Variants in TMEM181 observed in about 807,000 individuals in gnomAD.
The protein encoded by TMEM181 is G protein-coupled receptor 178.
TMEM181 carries 39 observed loss-of-function variants against 71.9 expected under a neutral mutation model. The ratio of observed to expected loss-of-function variants is 0.54; its 90% confidence interval spans 0.42 to 0.71. TMEM181 has a LOEUF of 0.71. Ranked by LOEUF, TMEM181 falls within the 30% of genes least tolerant of loss-of-function variation. The pLI is 0.00. For missense variants in TMEM181, 595 were observed against 583.0 expected, an observed-to-expected ratio of 1.02 and a Z score of -0.21; for synonymous variants, 245 against 228.8, an observed-to-expected ratio of 1.07 and a Z score of -0.64.
intron 13 of TMEM181, among the ~76,000 whole-genome samples, chr6:158,627,855 G>A (rs1021756330): frequency 6.6e-6 from 1 of 152,164 alleles, no homozygotes; most frequent in Non-Finnish European, 1.5e-5. Flanking sequence ...GAAGGCAGGT[G>A]GGGGAGGAGC....
intron 10 of TMEM181, 99 bp downstream of exon 10, chr6:158,608,849 G>T (rs1583027216): frequency 8.8e-7 from 1 of 1,130,386 alleles, no homozygotes; most frequent in East Asian, 2.4e-5. Flanking sequence ...TGTAATCCCA[G>T]CACTTTGACA....
intron 15 of TMEM181, 71 bp from the exon 16 acceptor site, chr6:158,631,252 G>A (rs1786648776): frequency 6.5e-7 from 1 of 1,527,512 alleles, no homozygotes; most frequent in South Asian, 1.1e-5. Flanking sequence ...CCTTTGTCCG[G>A]GACAGCATCC....
Position 158,632,010 on chromosome 6 carries a change from A to C in TMEM181, c.*122A>C. The C allele has an allele frequency of 9.6e-7, 1 of 1,040,296 alleles. No homozygotes were observed. The highest frequency in any genetic ancestry group is 1.4e-6 in the Non-Finnish European group (1 of 724,062). The allele number at this position is 1,040,296 out of a possible 1,614,324, so 64.4% of individuals were successfully genotyped here. ...GCAGAGATTTCCTGTTCATTTGTTTACATATTTTTTTAAAGGAAAACCAAA... is the reference window on the plus strand; with the variant it reads ...GCAGAGATTTCCTGTTCATTTGTTTCCATATTTTTTTAAAGGAAAACCAAA... On this transcript the variant is annotated 3_prime_UTR_variant, in exon 17 of 17. Coordinates refer to ENST00000684151, the MANE Select transcript of TMEM181 (RefSeq NM_001376852.1).
At chr6:158,588,188 G>A (rs577249148) in intron 5 of TMEM181, among the ~76,000 whole-genome samples, 63 of 152,374 alleles carry the variant, frequency 4.1e-4, no homozygotes, top group African/African-American at 1.3e-3. Context: ...GGAGGTGGGC[G>A]GGTGGCCAGC....
chr6:158,560,167 C>A lies in TMEM181; in HGVS notation c.-58C>A. The A allele has an allele frequency of 1.0e-6, 1 of 984,922 alleles. No homozygotes were observed. The highest frequency in any genetic ancestry group is 1.7e-5 in the African/African-American group (1 of 57,290). The allele number at this position is 984,922 out of a possible 1,614,324, so 61.0% of individuals were successfully genotyped here. ...GCGGCTGCCGCTGCCGAGGCTGCTG[C>A]GCGGCGCCTGGCGGGCTCGGGACGC... On this transcript the variant is annotated 5_prime_UTR_variant, in exon 1 of 17. Coordinates refer to ENST00000684151, the MANE Select transcript of TMEM181 (RefSeq NM_001376852.1).
At position 158,550,414 on chromosome 6, in the gene TMEM181, T is replaced by C. The variant is rs546496585; in HGVS notation, c.131+13549T>C. 2.6e-4 allele frequency among the ~76,000 whole-genome samples: 39 copies of C among 151,446 alleles called. No homozygotes were observed. In the East Asian group the frequency reaches 7.5e-3, roughly 29 times the overall value. ...GGCTCATGCCTGTAATCCCAGCACT[T>C]TGGGAGGCCGTGGCTGGCGGATCAC... is the stretch of plus-strand genomic sequence containing the variant. On this transcript the variant is annotated intron_variant, in intron 1 of 16. Coordinates refer to the TMEM181 transcript ENST00000367090.
intron 13 of TMEM181, among the ~76,000 whole-genome samples, chr6:158,626,954 TCA>T (rs1554230557): frequency 1.5e-5 from 2 of 131,046 alleles, no homozygotes; most frequent in Non-Finnish European, 3.2e-5. Flanking sequence ...ACCCTCACCC[TCA>T]CTCACACCCT....
intron 1 of TMEM181, among the ~76,000 whole-genome samples, chr6:158,538,454 CT>C (rs111437459): frequency 1.2e-3 from 167 of 143,746 alleles, no homozygotes; most frequent in Middle Eastern, 7.4e-3. Context: ...CATGCCTGGC[CT>C]TTTTTTTTTT....
intron 1 of TMEM181, among the ~76,000 whole-genome samples, chr6:158,566,153 G>A (rs915757526): frequency 1.3e-5 from 2 of 152,128 alleles, no homozygotes; most frequent in African/African-American, 4.8e-5. Flanking sequence ...AGATGGGCCA[G>A]GCCACAGGCA....
chr6:158,592,541 C>G (rs927282822), intron 6 of TMEM181, among the ~76,000 whole-genome samples: 1 of 151,846 alleles, frequency 6.6e-6, no homozygotes, highest in East Asian at 1.9e-4. Flanking sequence ...GGCGCGATCA[C>G]GGCTTACTGT....
chr6:158,584,196 C>A, intron 4 of TMEM181, 152 bp downstream of exon 4: 3 of 667,246 alleles, frequency 4.5e-6, no homozygotes, highest in Non-Finnish European at 7.2e-6. Context: ...AATTGGAAAC[C>A]CCTTAAATGT....
At chr6:158,589,818 C>G in intron 6 of TMEM181, 36 bp downstream of exon 6, 1 of 1,396,060 alleles carries the variant, frequency 7.2e-7, no homozygotes, top group South Asian at 1.2e-5. Context: ...TTCCATGGCT[C>G]ATGTTCTAGT....
chr6:158,536,959 C>A lies in TMEM181; in HGVS notation c.131+94C>A, dbSNP rs878954484. The A allele has an allele frequency of 5.3e-6, 5 of 948,142 alleles. No homozygotes were observed. The South Asian group carries it at 2.5e-4, about 48-fold the overall frequency. 58.7% of individuals were successfully genotyped at this position (948,142 alleles called of 1,614,324 possible). On this transcript the variant is annotated intron_variant, in intron 1 of 16. Coordinates refer to the TMEM181 transcript ENST00000367090. ...GCGCGCCCCGGCCTTGGCCTGGTCC[C>A]GCCGACGGCCGCCTCCGCCGGCCGG...
intron 10 of TMEM181, chr6:158,610,122 C>G: frequency 4.5e-6 from 1 of 221,688 alleles, no homozygotes; most frequent in Non-Finnish European, 9.6e-6. Context: ...TCTCTAGAGA[C>G]GCAGCCAGCT....
At chr6:158,582,963 A>C (rs183951774) in intron 3 of TMEM181, among the ~76,000 whole-genome samples, 1 of 152,144 alleles carries the variant, frequency 6.6e-6, no homozygotes, top group African/African-American at 2.4e-5. Flanking sequence ...GGCCGGGCGC[A>C]GTGGCTCATG....
chr6:158,548,801 A>G (rs1464645964), intron 1 of TMEM181, among the ~76,000 whole-genome samples: 1 of 152,242 alleles, frequency 6.6e-6, no homozygotes, highest in Non-Finnish European at 1.5e-5. Context: ...CATAGGAGAC[A>G]ATGATGGAGA....
At chr6:158,595,043 T>C (rs1784316283) in intron 6 of TMEM181, among the ~76,000 whole-genome samples, 1 of 152,216 alleles carries the variant, frequency 6.6e-6, no homozygotes, top group Admixed American at 6.5e-5. Flanking sequence ...GGCTATTTGT[T>C]ATAATGCCTT....
chr6:158,590,119 G>A (rs1784023423), intron 6 of TMEM181, among the ~76,000 whole-genome samples: 1 of 152,126 alleles, frequency 6.6e-6, no homozygotes, highest in Non-Finnish European at 1.5e-5. Flanking sequence ...CGAACTGCCG[G>A]TGAGTGGGAG....
chr6:158,546,090 A>G (rs536520033), intron 1 of TMEM181, among the ~76,000 whole-genome samples: 4 of 152,268 alleles, frequency 2.6e-5, no homozygotes, highest in Admixed American at 2.6e-4. Context: ...CGGTGAACAG[A>G]GCCCCCAGTT....
Sources: allele counts gnomAD v4.1 joint callset (sites outside exome capture counted in the v4.1 genomes callset), GRCh38; gene constraint gnomAD v4.1.1; transcripts MANE v1.5; gene names NCBI Gene and HGNC (gene_info 2026-07-23, HGNC 2026-07-21).